Variants in MALRD1 observed in about 807,000 individuals in gnomAD.
MALRD1 encodes the protein MAM and LDL receptor class A domain containing 1.
Under a neutral mutation model 242.1 loss-of-function variants are expected in MALRD1, and 247 were observed. The observed-to-expected ratio is 1.02, with a 90% CI of 0.92 to 1.13. The LOEUF is 1.13. MALRD1 is among the 50% of genes most tolerant of loss of function. The pLI is 0.00. For missense variants in MALRD1, 2,989 were observed against 2,533.1 expected, an observed-to-expected ratio of 1.18 and a Z score of -3.86; for synonymous variants, 995 against 866.6, an observed-to-expected ratio of 1.15 and a Z score of -2.60.
rs1380580994 is a variant in MALRD1, at chr10:19,139,282, TAA to T, written c.1411+2504_1411+2505del. Among the ~76,000 whole-genome samples the T allele has an allele frequency of 5.3e-5, 8 of 152,314 alleles. No homozygotes were observed. In the East Asian group the frequency reaches 9.6e-4, roughly 18 times the overall value. On this transcript the variant is annotated intron_variant, in intron 10 of 39. Transcript: ENST00000454679. ...CGTGCATATGTATATTCTTACAAAATAAAAGAGGCTTTCCTTTGAAATTTAAA... is the reference window on the plus strand; with the variant it reads ...CGTGCATATGTATATTCTTACAAAATAAGAGGCTTTCCTTTGAAATTTAAA...
At chr10:19,335,732 C>A (rs1345714616) in intron 24 of MALRD1, among the ~76,000 whole-genome samples, 4 of 151,958 alleles carry the variant, frequency 2.6e-5, no homozygotes, top group Non-Finnish European at 5.9e-5. Flanking sequence ...TAGAAATATA[C>A]CATCTAGGAA....
chr10:19,098,647 C>T (rs1295575446), intron 4 of MALRD1, among the ~76,000 whole-genome samples: 2 of 151,982 alleles, frequency 1.3e-5, no homozygotes, highest in Admixed American at 6.6e-5. Flanking sequence ...TACATATAAC[C>T]GTAAGTGTTT....
chr10:19,551,615 C>T (rs1005473481), intron 32 of MALRD1, among the ~76,000 whole-genome samples: 3 of 152,072 alleles, frequency 2.0e-5, no homozygotes, highest in African/African-American at 7.2e-5. Context: ...TTCCCAATTG[C>T]CCTGGCCTGG....
At chr10:19,690,351 A>G (rs755327047) in intron 36 of MALRD1, among the ~76,000 whole-genome samples, 22 of 152,086 alleles carry the variant, frequency 1.4e-4, no homozygotes, top group Non-Finnish European at 2.5e-4. Context: ...ATCAATTAGT[A>G]GTATATATTT....
intron 18 of MALRD1, among the ~76,000 whole-genome samples, chr10:19,229,237 G>C (rs1282171699): frequency 6.6e-6 from 1 of 152,054 alleles, no homozygotes; most frequent in African/African-American, 2.4e-5. Flanking sequence ...TAAAAAATAA[G>C]TAAACTAGTA....
At chr10:19,557,670 A>G (rs1199953851) in intron 32 of MALRD1, among the ~76,000 whole-genome samples, 3 of 152,106 alleles carry the variant, frequency 2.0e-5, no homozygotes. Context: ...TGTCTTGATT[A>G]CTATAGCCTT....
chr10:19,402,858 A>G (rs1430219899), intron 28 of MALRD1, among the ~76,000 whole-genome samples: 1 of 152,196 alleles, frequency 6.6e-6, no homozygotes, highest in East Asian at 1.9e-4. Flanking sequence ...ACATAACCAA[A>G]TCCTGAACAT....
At chr10:19,161,371 G>C (rs1287158168) in intron 12 of MALRD1, among the ~76,000 whole-genome samples, 1 of 64,006 alleles carries the variant, frequency 1.6e-5, no homozygotes, top group Non-Finnish European at 2.9e-5. Flanking sequence ...GGGGAGGGGG[G>C]AGGGATAGCA....
chr10:19,589,107 A>G (rs563746216), intron 33 of MALRD1, among the ~76,000 whole-genome samples: 23 of 152,342 alleles, frequency 1.5e-4, no homozygotes, highest in Middle Eastern at 3.4e-3. Flanking sequence ...TTAAAAAATT[A>G]AAAGTCTAAG....
At chr10:19,690,271 C>A (rs1451810270) in intron 36 of MALRD1, among the ~76,000 whole-genome samples, 1 of 152,024 alleles carries the variant, frequency 6.6e-6, no homozygotes, top group East Asian at 1.9e-4. Flanking sequence ...ATTATTTTCT[C>A]ATGTTAACCG....
chr10:19,624,422 T>C (rs144775465), intron 36 of MALRD1, among the ~76,000 whole-genome samples: 115 of 152,270 alleles, frequency 7.6e-4, no homozygotes, highest in African/African-American at 2.7e-3. Flanking sequence ...CTGAAACTGT[T>C]CTGTAGCTTT....
intron 5 of MALRD1, among the ~76,000 whole-genome samples, chr10:19,113,705 T>C (rs1430888110): frequency 6.6e-6 from 1 of 151,898 alleles, no homozygotes; most frequent in Non-Finnish European, 1.5e-5. Flanking sequence ...CTCAGGTTTC[T>C]GAGCAAAAGT....
At chr10:19,475,380 A>G (rs1564373421) in intron 29 of MALRD1, among the ~76,000 whole-genome samples, 1 of 152,214 alleles carries the variant, frequency 6.6e-6, no homozygotes, top group Non-Finnish European at 1.5e-5. Flanking sequence ...GCATCACTGC[A>G]TTCCAGCCTG....
At chr10:19,474,825 T>G (rs1836653722) in intron 29 of MALRD1, among the ~76,000 whole-genome samples, 1 of 152,078 alleles carries the variant, frequency 6.6e-6, no homozygotes, top group Non-Finnish European at 1.5e-5. Flanking sequence ...TGGCAAAATC[T>G]TACTAGAACC....
chr10:19,689,028 A>T (rs1230799296), intron 36 of MALRD1, among the ~76,000 whole-genome samples: 1 of 152,250 alleles, frequency 6.6e-6, no homozygotes, highest in Non-Finnish European at 1.5e-5. Flanking sequence ...AACAGCAACA[A>T]AAAGTTTGCA....
intron 28 of MALRD1, among the ~76,000 whole-genome samples, chr10:19,410,729 G>A (rs957511687): frequency 2.7e-5 from 4 of 147,124 alleles, no homozygotes; most frequent in African/African-American, 1.0e-4. Flanking sequence ...CCTACTTTAG[G>A]AAGAGTCAAG....
At chr10:19,070,572 C>A (rs1835113494) in intron 2 of MALRD1, among the ~76,000 whole-genome samples, 2 of 151,996 alleles carry the variant, frequency 1.3e-5, no homozygotes, top group African/African-American at 4.8e-5. Context: ...CCTTTTCATC[C>A]ATTTTAAGAA....
chr10:19,454,978 T>C (rs551940732), intron 29 of MALRD1, among the ~76,000 whole-genome samples: 3 of 152,286 alleles, frequency 2.0e-5, no homozygotes, highest in South Asian at 4.1e-4. Flanking sequence ...TACTATCAAA[T>C]ATATTTTTCT....
In MALRD1 at chr10:19,305,884, TAA is replaced by T. The variant is rs1491176529; in HGVS notation, c.3420-18064_3420-18063del. ...TATACTATATATTATATAATATATA[TAA>T]TATATATTATATATACTATATACTA... On this transcript the variant is annotated intron_variant, in intron 21 of 39. Coordinates refer to ENST00000454679, the MANE Select transcript of MALRD1 (RefSeq NM_001142308.3). 1.6e-4 allele frequency among the ~76,000 whole-genome samples: 21 copies of T among 130,918 alleles called. No individual in the cohort carries two copies. In the South Asian group the frequency reaches 3.9e-3, roughly 25 times the overall value. 85.9% of individuals were successfully genotyped at this position (130,918 alleles called of 152,430 possible). A position where few individuals can be genotyped will look rare whatever the true frequency, so the allele number is the denominator to read the frequency against.
Sources: gnomAD v4.1 joint callset for allele counts (sites outside exome capture counted in the v4.1 genomes callset) on GRCh38, gnomAD v4.1.1 for gene constraint, MANE v1.5 for transcripts, NCBI Gene and HGNC (gene_info 2026-07-23, HGNC 2026-07-21) for gene names.